The following DACH2 variants were observed in gnomAD, a reference collection of about 807,000 sequenced individuals.
The protein encoded by DACH2 is dachshund homolog 2.
DACH2 carries 17 observed loss-of-function variants against 35.8 expected under a neutral mutation model. The observed-to-expected ratio is 0.48, with a 90% CI of 0.33 to 0.71. The LOEUF is 0.71. DACH2 is among the 30% of genes least tolerant of loss of function. The pLI, the probability that DACH2 is intolerant of heterozygous loss-of-function variation, is 0.02. For synonymous variants in DACH2, 195 were observed against 177.3 expected, an observed-to-expected ratio of 1.10 and a Z score of -0.79; for missense variants, 469 against 472.7, an observed-to-expected ratio of 0.99 and a Z score of 0.07.
chrX:86,293,311 C>G (rs1277717613), intron 1 of DACH2, among the ~76,000 whole-genome samples: 1 of 110,112 alleles, frequency 9.1e-6, no homozygotes, highest in African/African-American at 3.3e-5. Flanking sequence ...TATTTTGAGC[C>G]TATGTGTCTC....
chrX:86,468,719 A>C (rs2037713402), intron 2 of DACH2, among the ~76,000 whole-genome samples: 1 of 111,851 alleles, frequency 8.9e-6, no homozygotes, highest in African/African-American at 3.2e-5. Flanking sequence ...TCAGCATATT[A>C]AAGACTTGTA....
intron 3 of DACH2, among the ~76,000 whole-genome samples, chrX:86,648,913 G>A (rs1286269605): frequency 1.8e-5 from 2 of 110,787 alleles, no homozygotes; most frequent in African/African-American, 6.5e-5. Flanking sequence ...AAAAATGCAT[G>A]ACCATATGTG....
chrX:86,654,264 A>G (rs1383630235), intron 4 of DACH2, among the ~76,000 whole-genome samples: 1 of 107,635 alleles, frequency 9.3e-6, no homozygotes, highest in African/African-American at 3.4e-5. Context: ...CTAACTCTGC[A>G]GTTAAATTCA....
At chrX:86,781,025 CT>C (rs1192115685) in intron 7 of DACH2, among the ~76,000 whole-genome samples, 1 of 111,348 alleles carries the variant, frequency 9.0e-6, no homozygotes, top group East Asian at 2.8e-4. Context: ...AGTTTATAAA[CT>C]CAGTGTTTCA....
intron 7 of DACH2, among the ~76,000 whole-genome samples, chrX:86,803,900 GA>G (rs1364128651): frequency 1.8e-5 from 2 of 111,618 alleles, no homozygotes; most frequent in South Asian, 7.4e-4. Flanking sequence ...GTTTCACAAA[GA>G]AGATACCATT....
chrX:86,410,781 C>G (rs1460360638), intron 2 of DACH2, among the ~76,000 whole-genome samples: 2 of 108,520 alleles, frequency 1.8e-5, no homozygotes, highest in Non-Finnish European at 3.8e-5. Flanking sequence ...ATGCAAATTA[C>G]TTATTTCTTT....
At chrX:86,719,361 G>T (rs1029656815) in intron 6 of DACH2, among the ~76,000 whole-genome samples, 1 of 111,780 alleles carries the variant, frequency 8.9e-6, no homozygotes, top group South Asian at 3.7e-4. Context: ...AAGATATTTG[G>T]TGGAGACTGA....
chrX:86,295,706 C>G (rs1481604179), intron 1 of DACH2, among the ~76,000 whole-genome samples: 1 of 111,080 alleles, frequency 9.0e-6, no homozygotes, highest in African/African-American at 3.3e-5. Context: ...GAGGGCAACA[C>G]TGAGTTTGAT....
intron 2 of DACH2, among the ~76,000 whole-genome samples, chrX:86,404,390 C>T (rs887753630): frequency 8.9e-6 from 1 of 111,913 alleles, no homozygotes; most frequent in African/African-American, 3.3e-5. Flanking sequence ...TAAATAAACC[C>T]ATTCCAAATG....
At chrX:86,753,156 G>A (rs148147331) in intron 7 of DACH2, among the ~76,000 whole-genome samples, 137 of 110,396 alleles carry the variant, frequency 1.2e-3, no homozygotes, top group Middle Eastern at 4.7e-3. Flanking sequence ...AATACACTCC[G>A]GTTACTTCCA....
chrX:86,340,771 C>A (rs779309695), intron 1 of DACH2, among the ~76,000 whole-genome samples: 5 of 111,890 alleles, frequency 4.5e-5, no homozygotes, highest in Non-Finnish European at 9.4e-5. Flanking sequence ...AGTGAACACA[C>A]GGATAATAAA....
At chrX:86,755,694 T>A (rs1049929238) in intron 7 of DACH2, among the ~76,000 whole-genome samples, 21 of 105,186 alleles carry the variant, frequency 2.0e-4, no homozygotes, top group Non-Finnish European at 3.7e-4. Context: ...GCCTCCCAGG[T>A]TCACACCATT....
At chrX:86,523,875 T>A (rs2038594285) in intron 3 of DACH2, among the ~76,000 whole-genome samples, 1 of 111,237 alleles carries the variant, frequency 9.0e-6, no homozygotes, top group Non-Finnish European at 1.9e-5. Flanking sequence ...CAGTATTGGG[T>A]TAGAATAATA....
intron 6 of DACH2, among the ~76,000 whole-genome samples, chrX:86,736,106 A>G (rs1162201360): frequency 9.0e-6 from 1 of 111,408 alleles, no homozygotes; most frequent in African/African-American, 3.3e-5. Flanking sequence ...AATTGTTCAT[A>G]TAATTATTCA....
At chrX:86,161,023 A>G in intron 1 of DACH2, 2 of 972,323 alleles carry the variant, frequency 2.1e-6, no homozygotes, top group South Asian at 3.9e-5. Context: ...CATCCCTTGA[A>G]CGAAGGCACG....
At chrX:86,821,032 T>G (rs186051246) in intron 11 of DACH2, among the ~76,000 whole-genome samples, 163 of 111,405 alleles carry the variant, frequency 1.5e-3, no homozygotes, top group Non-Finnish European at 2.3e-3. Context: ...TTGCCATGTA[T>G]GTGATATGAC....
At chrX:86,820,083 T>C (rs1230589400) in intron 11 of DACH2, among the ~76,000 whole-genome samples, 1 of 111,613 alleles carries the variant, frequency 9.0e-6, no homozygotes, top group Non-Finnish European at 1.9e-5. Context: ...ACTGACTTTA[T>C]AGTAATAAAA....
intron 3 of DACH2, among the ~76,000 whole-genome samples, chrX:86,637,236 A>AAAAAAAAAAAAAAAAAAAAAAC (rs1312781086): frequency 2.2e-5 from 2 of 91,022 alleles, no homozygotes; most frequent in African/African-American, 4.1e-5. Context: ...AAAAAAAAAA[A>AAAAAAAAAAAAAAAAAAAAAAC]AAAAAAAAAA....
At chrX:86,653,959 G>A (rs1207548967) in intron 4 of DACH2, among the ~76,000 whole-genome samples, 2 of 109,541 alleles carry the variant, frequency 1.8e-5, no homozygotes, top group Non-Finnish European at 3.8e-5. Flanking sequence ...GAGCCACTGC[G>A]CCCAGCCAAT....
Sources: gnomAD v4.1 joint callset for allele counts (sites outside exome capture counted in the v4.1 genomes callset) on GRCh38, gnomAD v4.1.1 for gene constraint, MANE v1.5 for transcripts, NCBI Gene and HGNC (gene_info 2026-07-23, HGNC 2026-07-21) for gene names.